The following POLA1 variants were observed in gnomAD, a reference collection of about 807,000 sequenced individuals.
The protein encoded by POLA1 is DNA polymerase alpha catalytic subunit.
Under a neutral mutation model 124.0 loss-of-function variants are expected in POLA1, and 15 were observed. The ratio of observed to expected loss-of-function variants is 0.12; its 90% CI spans 0.08 to 0.19. The LOEUF (loss-of-function observed/expected upper bound fraction) is 0.19. POLA1 is among the 10% of genes least tolerant of loss of function. The pLI is 1.00. For missense variants in POLA1, 886 were observed against 1,103.4 expected (o/e 0.80, Z 2.79); for synonymous variants, 408 against 389.4 (o/e 1.05, Z -0.56).
At chrX:24,696,615 G>A (rs1928025519) in intron 1 of POLA1, among the ~76,000 whole-genome samples, 1 of 111,406 alleles carries the variant, frequency 9.0e-6, no homozygotes, top group East Asian at 2.8e-4. Context: ...AACCTTTTCA[G>A]CTTCTGTAAT....
intron 34 of POLA1, among the ~76,000 whole-genome samples, chrX:24,864,104 C>T (rs1007920435): frequency 1.8e-5 from 2 of 109,964 alleles, no homozygotes; most frequent in South Asian, 3.9e-4. Flanking sequence ...GCCTCAGTCT[C>T]GCGAGCAGCT....
Position 24,886,445 on chromosome X carries a change from G to A in POLA1, c.4048-1561G>A, listed in dbSNP as rs143186897. Among the ~76,000 whole-genome samples the A allele has an allele frequency of 8.0e-3, 898 of 112,035 alleles. 6 individuals are homozygous for A. The highest frequency in any genetic ancestry group is 0.012 in the Non-Finnish European group (660 of 53,226). On this transcript the variant is annotated intron_variant, in intron 34 of 36. Coordinates refer to ENST00000379068, the MANE Select transcript of POLA1 (RefSeq NM_001330360.2). ...ATGAATTTTACATTCTTTAAAGGTA[G>A]CATAATTTTTTTATTCATACAGATC...
At chrX:24,972,924 G>C (rs11573511) in intron 36 of POLA1, among the ~76,000 whole-genome samples, 1,767 of 112,452 alleles carry the variant, frequency 0.016, 25 homozygotes, top group Non-Finnish European at 0.021. Flanking sequence ...CCCAGTTCTT[G>C]ACTTTTTTTC....
chrX:24,720,571 AAC>A (rs1930142495), intron 10 of POLA1, among the ~76,000 whole-genome samples: 1 of 111,978 alleles, frequency 8.9e-6, no homozygotes, highest in Non-Finnish European at 1.9e-5. Flanking sequence ...GAGAATGCGT[AAC>A]ACAAAAGCAA....
intron 34 of POLA1, among the ~76,000 whole-genome samples, chrX:24,873,462 A>G (rs776579966): frequency 8.9e-6 from 1 of 111,978 alleles, no homozygotes; most frequent in African/African-American, 3.2e-5. Flanking sequence ...ACTGAAGACA[A>G]CCTGTTGTTG....
intron 32 of POLA1, among the ~76,000 whole-genome samples, chrX:24,839,295 A>G (rs182273929): frequency 1.0e-4 from 11 of 108,758 alleles, no homozygotes; most frequent in South Asian, 3.8e-4. Flanking sequence ...TCCCCTGGGG[A>G]AAAAAAAAAT....
At chrX:24,985,830 A>C (rs760131034) in intron 36 of POLA1, among the ~76,000 whole-genome samples, 3 of 111,928 alleles carry the variant, frequency 2.7e-5, no homozygotes. Flanking sequence ...CAGTGGCTTC[A>C]CTTTGGCCAC....
intron 36 of POLA1, among the ~76,000 whole-genome samples, chrX:24,967,159 A>G (rs1486477759): frequency 9.1e-6 from 1 of 109,698 alleles, no homozygotes; most frequent in Non-Finnish European, 1.9e-5. Context: ...GTTCTTTGAG[A>G]ACTTTCACAG....
At chrX:24,864,890 A>G (rs1349730575) in intron 34 of POLA1, among the ~76,000 whole-genome samples, 4 of 112,063 alleles carry the variant, frequency 3.6e-5, no homozygotes, top group Non-Finnish European at 7.5e-5. Context: ...AAGAAAGACT[A>G]ATATTTTTTT....
At chrX:24,906,428 C>T (rs1304747459) in intron 35 of POLA1, among the ~76,000 whole-genome samples, 1 of 109,613 alleles carries the variant, frequency 9.1e-6, no homozygotes, top group Non-Finnish European at 1.9e-5. Flanking sequence ...ATCGTATGTT[C>T]TCACTTATAA....
At chrX:24,901,508 A>G (rs993549427) in intron 35 of POLA1, among the ~76,000 whole-genome samples, 4 of 111,846 alleles carry the variant, frequency 3.6e-5, no homozygotes, top group African/African-American at 1.3e-4. Flanking sequence ...GTGAAGAGCC[A>G]TGTAAGCCAT....
chrX:24,709,370 A>G (rs1236546056), intron 4 of POLA1, among the ~76,000 whole-genome samples: 6 of 70,090 alleles, frequency 8.6e-5, no homozygotes, highest in East Asian at 6.3e-4. Flanking sequence ...CCCGGACAGC[A>G]CGGCTGGCCA....
chrX:24,841,779 A>G lies in POLA1; in HGVS notation c.3864A>G (p.Pro1288=). Residue 1288 remains proline (P), a synonymous_variant, in exon 33 of 37, where the codon CCA becomes CCG. Coordinates refer to ENST00000379068, the MANE Select transcript of POLA1 (RefSeq NM_001330360.2). ...GGGACTGTGAAAGATTCAAATGTCCATGCCCTACATGTGGAACTGAGAATA... is the reference window on the plus strand; with the variant it reads ...GGGACTGTGAAAGATTCAAATGTCCGTGCCCTACATGTGGAACTGAGAATA... The part of the protein sequence containing the change: ...KYRDCERFKC[P]CPTCGTENIY... 2 of 1,198,224 alleles carry G rather than the reference A, an allele frequency of 1.7e-6. No homozygotes were observed. Among genetic ancestry groups the G allele is most frequent in the Non-Finnish European group, 2.3e-6 (2 of 884,281 alleles).
chrX:24,781,511 CAT>C (rs2045262337), intron 26 of POLA1, among the ~76,000 whole-genome samples: 1 of 111,697 alleles, frequency 9.0e-6, no homozygotes, highest in Admixed American at 9.5e-5. Context: ...TATTGGATCT[CAT>C]ATGGAATAAC....
intron 36 of POLA1, among the ~76,000 whole-genome samples, chrX:24,955,198 C>T (rs1334159369): frequency 2.9e-5 from 3 of 102,382 alleles, no homozygotes; most frequent in Non-Finnish European, 5.9e-5. Context: ...CAGTCTCACT[C>T]GTTTGCCTAG....
chrX:24,807,375 A>G (rs2045819354), intron 26 of POLA1, among the ~76,000 whole-genome samples: 1 of 112,424 alleles, frequency 8.9e-6, no homozygotes, highest in South Asian at 3.7e-4. Flanking sequence ...AGGACTCTTG[A>G]TAAGTAATTC....
chrX:24,763,516 A>G (rs1334669890), intron 26 of POLA1, among the ~76,000 whole-genome samples: 1 of 111,534 alleles, frequency 9.0e-6, no homozygotes, highest in Non-Finnish European at 1.9e-5. Context: ...AGCCATGGAC[A>G]TGGATGAGAT....
At chrX:24,739,605 C>A in intron 20 of POLA1, 55 bp downstream of exon 20, 1 of 772,151 alleles carries the variant, frequency 1.3e-6, no homozygotes, top group Non-Finnish European at 1.9e-6. Flanking sequence ...AACAGCAGGA[C>A]ACTACTAGTA....
intron 32 of POLA1, 94 bp from the exon 33 acceptor site, chrX:24,841,558 G>A (rs1177578460): frequency 2.1e-6 from 1 of 475,581 alleles, no homozygotes; most frequent in Non-Finnish European, 3.4e-6. Context: ...GTGTGTATGT[G>A]CATGAATTTA....
Sources: gnomAD v4.1 joint callset for allele counts (sites outside exome capture counted in the v4.1 genomes callset) on GRCh38, gnomAD v4.1.1 for gene constraint, MANE v1.5 for transcripts, NCBI Gene and HGNC (gene_info 2026-07-23, HGNC 2026-07-21) for gene names.